NIPAL2: variants seen among roughly 807,000 people sequenced by gnomAD.
NIPAL2 encodes the protein NIPA like domain containing 2.
Under a neutral mutation model 48.9 loss-of-function variants are expected in NIPAL2, and 43 were observed. The observed-to-expected ratio is 0.88, with a 90% confidence interval of 0.69 to 1.13. The LOEUF is 1.13. Ranked by LOEUF, NIPAL2 falls within the 50% of genes most tolerant of loss-of-function variation. The pLI is 0.00. For missense variants in NIPAL2, 446 were observed against 461.4 expected, an observed-to-expected ratio of 0.97 and a Z score of 0.31; for synonymous variants, 167 against 174.6, an observed-to-expected ratio of 0.96 and a Z score of 0.34.
intron 8 of NIPAL2, among the ~76,000 whole-genome samples, chr8:98,202,755 C>T (rs539123287): frequency 3.3e-5 from 5 of 152,188 alleles, no homozygotes; most frequent in Admixed American, 6.5e-5. Flanking sequence ...TATAGCAACA[C>T]AAAATGGACT....
At chr8:98,215,427 G>A (rs1013263506) in intron 5 of NIPAL2, among the ~76,000 whole-genome samples, 4 of 152,160 alleles carry the variant, frequency 2.6e-5, no homozygotes, top group Non-Finnish European at 4.4e-5. Context: ...TGCAGGTTGC[G>A]GTGCCCCAGG....
At chr8:98,225,605 T>C (rs1812134114) in intron 4 of NIPAL2, among the ~76,000 whole-genome samples, 1 of 152,210 alleles carries the variant, frequency 6.6e-6, no homozygotes, top group Admixed American at 6.5e-5. Flanking sequence ...GTTTCTTTTC[T>C]CTTGCTGCTT....
intron 5 of NIPAL2, among the ~76,000 whole-genome samples, chr8:98,212,716 C>T (rs1811382698): frequency 6.6e-6 from 1 of 152,140 alleles, no homozygotes; most frequent in Admixed American, 6.5e-5. Flanking sequence ...TCTAGATCTC[C>T]AGTCCTAACC....
chr8:98,230,574 G>A (rs1812393404), intron 4 of NIPAL2, among the ~76,000 whole-genome samples: 1 of 152,170 alleles, frequency 6.6e-6, no homozygotes, highest in African/African-American at 2.4e-5. Flanking sequence ...ATATTGCACT[G>A]AAGTAGTGTT....
intron 8 of NIPAL2, among the ~76,000 whole-genome samples, chr8:98,199,859 G>C (rs1302287329): frequency 6.6e-6 from 1 of 151,912 alleles, no homozygotes; most frequent in Non-Finnish European, 1.5e-5. Flanking sequence ...CATTTTCCCA[G>C]GTATTTTATG....
chr8:98,255,161 C>T (rs536837317), intron 1 of NIPAL2, among the ~76,000 whole-genome samples: 1 of 151,918 alleles, frequency 6.6e-6, no homozygotes, highest in South Asian at 2.1e-4. Flanking sequence ...AATCGTGTAA[C>T]ACAAGAACTA....
chr8:98,206,577 G>T (rs1324672635), intron 6 of NIPAL2, among the ~76,000 whole-genome samples: 2 of 151,934 alleles, frequency 1.3e-5, no homozygotes, highest in Admixed American at 1.3e-4. Context: ...ATGAGGTCAG[G>T]AGATCGAGAC....
intron 1 of NIPAL2, among the ~76,000 whole-genome samples, chr8:98,275,987 T>G (rs943429383): frequency 4.6e-5 from 7 of 152,180 alleles, no homozygotes; most frequent in African/African-American, 1.7e-4. Flanking sequence ...GAGAGGAAGG[T>G]ACAGATTTCC....
intron 1 of NIPAL2, among the ~76,000 whole-genome samples, chr8:98,263,522 A>G (rs1814496589): frequency 6.6e-6 from 1 of 151,016 alleles, no homozygotes; most frequent in Admixed American, 6.6e-5. Flanking sequence ...TAAACTAGAA[A>G]ATCTAGAAGA....
chr8:98,276,986 T>C (rs1212036442), intron 1 of NIPAL2, among the ~76,000 whole-genome samples: 3 of 150,968 alleles, frequency 2.0e-5, no homozygotes, highest in Non-Finnish European at 4.4e-5. Flanking sequence ...GCCAGGCTGG[T>C]CTTGAACTCC....
Position 98,293,995 on chromosome 8 carries a change from G to A in NIPAL2, c.135+8C>T. The stretch of plus-strand genomic sequence containing the variant: ...ACCGGGCTGCGGTGGCTGCGGGGCG[G>A]CCCTTACCTGGTTCCTGCGGTACCA... On this transcript the variant is annotated splice_region_variant and intron_variant, in intron 1 of 10. Transcript: ENST00000430223. The A allele has an allele frequency of 6.8e-7, 1 of 1,479,412 alleles. No individual in the cohort carries two copies. The highest frequency in any genetic ancestry group is 2.0e-4 in the Middle Eastern group (1 of 4,940). The allele number at this position is 1,479,412 out of a possible 1,614,324, so 91.6% of individuals were successfully genotyped here. A position where few individuals can be genotyped will look rare whatever the true frequency, so the allele number is the denominator to read the frequency against.
intron 10 of NIPAL2, among the ~76,000 whole-genome samples, chr8:98,193,698 G>T (rs1250236518): frequency 6.6e-6 from 1 of 151,530 alleles, no homozygotes; most frequent in Non-Finnish European, 1.5e-5. Flanking sequence ...GCCTACTCGG[G>T]AGGCTGAGAC....
chr8:98,196,358 G>T (rs1460366615), intron 8 of NIPAL2, among the ~76,000 whole-genome samples: 1 of 152,132 alleles, frequency 6.6e-6, no homozygotes, highest in Non-Finnish European at 1.5e-5. Context: ...TAGGTCAGGG[G>T]TCAGCCAGCC....
In NIPAL2 at chr8:98,209,430, G is replaced by C. The variant is rs528376220; in HGVS notation, c.655+2975C>G. 1.1e-4 allele frequency among the ~76,000 whole-genome samples: 14 copies of C among 122,066 alleles called. No individual in the cohort carries two copies. In the South Asian group the frequency reaches 1.7e-3, roughly 15 times the overall value. 80.1% of individuals were successfully genotyped at this position (122,066 alleles called of 152,430 possible). A position where few individuals can be genotyped will look rare whatever the true frequency, so the allele number is the denominator to read the frequency against. ...TTGCAACCAGCCCGGGCAGCATGGG[G>C]ATACCCTGTCTCTCCAAAAAAAAAA... On this transcript the variant is annotated intron_variant, in intron 6 of 10. Transcript: ENST00000430223.
chr8:98,229,700 T>C (rs1308627166), intron 4 of NIPAL2, among the ~76,000 whole-genome samples: 1 of 152,222 alleles, frequency 6.6e-6, no homozygotes, highest in Non-Finnish European at 1.5e-5. Flanking sequence ...TTTTAGGTGA[T>C]GTTCTTAAAA....
At chr8:98,283,893 A>T (rs1306077050) in intron 1 of NIPAL2, among the ~76,000 whole-genome samples, 1 of 152,140 alleles carries the variant, frequency 6.6e-6, no homozygotes, top group East Asian at 1.9e-4. Flanking sequence ...CCACTCACTC[A>T]CTGATCTCTG....
chr8:98,262,386 C>T (rs1814404002), intron 1 of NIPAL2, among the ~76,000 whole-genome samples: 2 of 148,130 alleles, frequency 1.4e-5, no homozygotes, highest in African/African-American at 4.9e-5. Flanking sequence ...GGAAACCCAT[C>T]TCACGTGCAG....
intron 3 of NIPAL2, among the ~76,000 whole-genome samples, chr8:98,250,470 C>A (rs1409054124): frequency 4.6e-5 from 7 of 152,154 alleles, no homozygotes; most frequent in Admixed American, 4.6e-4. Flanking sequence ...CAAAGCTTTA[C>A]AATGACTTAA....
intron 5 of NIPAL2, among the ~76,000 whole-genome samples, chr8:98,214,828 C>G (rs1811497814): frequency 6.6e-6 from 1 of 152,156 alleles, no homozygotes; most frequent in South Asian, 2.1e-4. Flanking sequence ...TTAACTGTTT[C>G]TTATGGGACT....
Sources: allele counts gnomAD v4.1 joint callset (sites outside exome capture counted in the v4.1 genomes callset), GRCh38; gene constraint gnomAD v4.1.1; transcripts MANE v1.5; gene names NCBI Gene and HGNC (gene_info 2026-07-23, HGNC 2026-07-21).